Variants in CSMD1 observed in about 807,000 individuals in gnomAD.
CSMD1 encodes the protein CUB and sushi domain-containing protein 1.
In CSMD1, 213 loss-of-function variants were observed where a neutral mutation model predicts 417.5. That is an observed-to-expected ratio of 0.51 (90% CI 0.46 to 0.57). The LOEUF is 0.57. Ranked by LOEUF, CSMD1 falls within the 20% of genes least tolerant of loss-of-function variation. The pLI, the probability that CSMD1 is intolerant of heterozygous loss-of-function variation, is 0.00. For synonymous variants in CSMD1, 2,862 were observed against 1,736.8 expected (o/e 1.65, Z -16.11); for missense variants, 6,923 against 4,529.7 (o/e 1.53, Z -15.17).
chr8:3,715,477 A>C (rs1027564759), intron 6 of CSMD1, among the ~76,000 whole-genome samples: 1 of 152,132 alleles, frequency 6.6e-6, no homozygotes, highest in Non-Finnish European at 1.5e-5. Context: ...TGATTAACCC[A>C]ATTATAAAAA....
At chr8:4,700,413 T>A (rs114512997) in intron 1 of CSMD1, among the ~76,000 whole-genome samples, 355 of 152,266 alleles carry the variant, frequency 2.3e-3, no homozygotes, top group African/African-American at 8.4e-3. Flanking sequence ...ACAAGTTTTA[T>A]ACTTATAAAC....
intron 3 of CSMD1, among the ~76,000 whole-genome samples, chr8:4,395,257 C>A (rs879808755): frequency 6.6e-6 from 1 of 152,174 alleles, no homozygotes; most frequent in Non-Finnish European, 1.5e-5. Context: ...TTTATCTTCT[C>A]TCTTACTCCA....
intron 5 of CSMD1, among the ~76,000 whole-genome samples, chr8:3,968,766 G>A (rs1244134829): frequency 6.6e-6 from 1 of 152,168 alleles, no homozygotes; most frequent in Non-Finnish European, 1.5e-5. Flanking sequence ...AAATGCTGAA[G>A]ATGGGTGGGG....
chr8:4,286,774 C>A (rs1308888666), intron 3 of CSMD1, among the ~76,000 whole-genome samples: 1 of 152,172 alleles, frequency 6.6e-6, no homozygotes, highest in African/African-American at 2.4e-5. Flanking sequence ...TCTTTCCCAT[C>A]GCCTGTTTGG....
intron 12 of CSMD1, among the ~76,000 whole-genome samples, chr8:3,448,202 T>G (rs953323982): frequency 3.3e-5 from 5 of 149,394 alleles, no homozygotes; most frequent in Non-Finnish European, 5.9e-5. Context: ...AAAAAGCCTG[T>G]CTGTGTTTCC....
In CSMD1 at chr8:3,118,488, T is replaced by A. The variant is rs374951869; in HGVS notation, c.6341A>T (p.Tyr2114Phe). 1.9e-6 allele frequency: 3 copies of A among 1,613,772 alleles called. No individual in the cohort carries two copies. The highest frequency in any genetic ancestry group is 2.5e-6 in the Non-Finnish European group (3 of 1,179,816). Residue 2114 changes from tyrosine to phenylalanine, a missense_variant, in exon 42 of 70, where the codon TAT (tyrosine) becomes TTT (phenylalanine). Transcript: ENST00000635120. The stretch of plus-strand genomic sequence containing the variant: ...ATGGCCTATTAGAATGTACCCAGGA[T>A]AACACTCGAAAGATACTGATTGCCC... ...SVGQSVSFEC[Y>F]PGYILIGHPV...
chr8:3,732,968 T>A (rs1205924884), intron 6 of CSMD1, among the ~76,000 whole-genome samples: 1 of 152,102 alleles, frequency 6.6e-6, no homozygotes, highest in African/African-American at 2.4e-5. Context: ...CCTACCTACC[T>A]ATCTACCAAC....
chr8:3,216,909 G>A (rs572040913), intron 29 of CSMD1, among the ~76,000 whole-genome samples: 1 of 152,344 alleles, frequency 6.6e-6, no homozygotes, highest in South Asian at 2.1e-4. Context: ...ACTTGCTCTG[G>A]GCTGCATGCA....
At chr8:4,737,212 A>G (rs1810300375) in intron 1 of CSMD1, among the ~76,000 whole-genome samples, 1 of 152,166 alleles carries the variant, frequency 6.6e-6, no homozygotes, top group African/African-American at 2.4e-5. Context: ...GGAGGCCATT[A>G]TCTTTAGCAA....
intron 7 of CSMD1, among the ~76,000 whole-genome samples, chr8:3,618,367 A>G (rs1481487276): frequency 6.6e-6 from 1 of 152,178 alleles, no homozygotes; most frequent in South Asian, 2.1e-4. Flanking sequence ...CATTAAATAC[A>G]AATTCTATTG....
chr8:4,145,163 C>G lies in CSMD1; in HGVS notation c.416-113064G>C, dbSNP rs569621909. Among the ~76,000 whole-genome samples, 301 of 151,180 alleles carry G rather than the reference C, an allele frequency of 2.0e-3. 29 individuals carry two copies. The highest frequency in any genetic ancestry group is 7.2e-3 in the African/African-American group (291 of 40,536). On this transcript the variant is annotated intron_variant, in intron 3 of 69. Transcript: ENST00000635120. ...AGACACATGTAATAAAAGGCACGAA[C>G]CCATTCATTCAATTACTAAAACACT... is the stretch of plus-strand genomic sequence containing the variant.
chr8:4,006,823 A>ATT (rs759780050), intron 4 of CSMD1, among the ~76,000 whole-genome samples: 25,709 of 95,864 alleles, frequency 0.27, 4,692 homozygotes, highest in South Asian at 0.47. Flanking sequence ...GACTTTTCCT[A>ATT]TTTTTTTTTT....
intron 11 of CSMD1, 132 bp from the exon 12 acceptor site, chr8:3,468,956 C>A: frequency 3.4e-6 from 2 of 587,108 alleles, no homozygotes; most frequent in Non-Finnish European, 6.1e-6. Flanking sequence ...CTTTCAAAGA[C>A]TGTACAGCCT....
intron 2 of CSMD1, among the ~76,000 whole-genome samples, chr8:4,421,354 C>T (rs1473997747): frequency 2.0e-5 from 3 of 152,162 alleles, no homozygotes; most frequent in South Asian, 2.1e-4. Flanking sequence ...ATTTATAGTA[C>T]ACTTTACCCA....
chr8:2,961,417 T>C (rs1242752342), intron 61 of CSMD1, among the ~76,000 whole-genome samples: 3 of 152,214 alleles, frequency 2.0e-5, no homozygotes, highest in Non-Finnish European at 4.4e-5. Flanking sequence ...ACTTTTAGAC[T>C]TTAAGTAGTT....
At chr8:4,110,076 G>C (rs1426228573) in intron 3 of CSMD1, among the ~76,000 whole-genome samples, 1 of 152,146 alleles carries the variant, frequency 6.6e-6, no homozygotes, top group East Asian at 1.9e-4. Context: ...TGATCACGTG[G>C]AATAATAAGC....
chr8:3,610,305 G>T (rs1801828432), intron 8 of CSMD1, among the ~76,000 whole-genome samples: 1 of 152,166 alleles, frequency 6.6e-6, no homozygotes, highest in African/African-American at 2.4e-5. Flanking sequence ...TGTCAAGGAG[G>T]GAGGACTGCT....
At chr8:4,217,999 C>G in intron 3 of CSMD1, among the ~76,000 whole-genome samples, 1 of 152,136 alleles carries the variant, frequency 6.6e-6, no homozygotes. Context: ...AAGAAATATC[C>G]AACCTCACAA....
At chr8:3,391,117 C>T (rs995447908) in intron 17 of CSMD1, among the ~76,000 whole-genome samples, 2 of 152,198 alleles carry the variant, frequency 1.3e-5, no homozygotes, top group African/African-American at 4.8e-5. Context: ...AGTACCATTA[C>T]ATCCCGACCA....
Sources: gnomAD v4.1 joint callset for allele counts (sites outside exome capture counted in the v4.1 genomes callset) on GRCh38, gnomAD v4.1.1 for gene constraint, MANE v1.5 for transcripts, NCBI Gene and HGNC (gene_info 2026-07-23, HGNC 2026-07-21) for gene names.